SSBP3: variants seen among roughly 807,000 people sequenced by gnomAD.
The protein encoded by SSBP3 is single stranded DNA binding protein 3, also known as single-stranded DNA-binding protein 3.
Under a neutral mutation model 69.6 loss-of-function variants are expected in SSBP3, and 5 were observed. The observed-to-expected ratio is 0.07, with a 90% CI of 0.04 to 0.15. SSBP3 has a LOEUF of 0.15. Ranked by LOEUF, SSBP3 falls within the 10% of genes least tolerant of loss-of-function variation. The probability of loss-of-function intolerance (pLI) is 1.00; values close to 1 mark genes in which losing one functional copy is unlikely to be tolerated. For synonymous variants in SSBP3, 196 were observed against 193.4 expected (o/e 1.01, Z -0.11); for missense variants, 312 against 534.0 (o/e 0.58, Z 4.10).
chr1:54,373,362 CATG>C (rs1056203154), intron 4 of SSBP3, among the ~76,000 whole-genome samples: 1 of 152,200 alleles, frequency 6.6e-6, no homozygotes, highest in Non-Finnish European at 1.5e-5. Context: ...TGCCACCCTT[CATG>C]ATTCTAGTTA....
At chr1:54,354,570 C>T (rs1646833627) in intron 4 of SSBP3, among the ~76,000 whole-genome samples, 1 of 152,110 alleles carries the variant, frequency 6.6e-6, no homozygotes, top group Non-Finnish European at 1.5e-5. Context: ...CCACAAAGAC[C>T]TGCTGGGCCT....
intron 9 of SSBP3, among the ~76,000 whole-genome samples, chr1:54,245,218 T>TCAA (rs1644712412): frequency 6.6e-6 from 1 of 152,226 alleles, no homozygotes; most frequent in Non-Finnish European, 1.5e-5. Flanking sequence ...ACACTTTATG[T>TCAA]ACAGTCTCTT....
chr1:54,277,267 T>C (rs1645305586), intron 5 of SSBP3, among the ~76,000 whole-genome samples: 1 of 152,042 alleles, frequency 6.6e-6, no homozygotes, highest in Admixed American at 6.6e-5. Context: ...TTCAGAATCA[T>C]TCTCACGGTG....
intron 5 of SSBP3, among the ~76,000 whole-genome samples, chr1:54,272,979 C>G (rs1028325545): frequency 2.0e-5 from 3 of 152,196 alleles, no homozygotes; most frequent in Non-Finnish European, 4.4e-5. Flanking sequence ...GAGACTCCTT[C>G]CCCCTTCCCT....
intron 5 of SSBP3, among the ~76,000 whole-genome samples, chr1:54,281,214 T>C (rs1368971229): frequency 6.6e-6 from 1 of 152,150 alleles, no homozygotes; most frequent in Non-Finnish European, 1.5e-5. Context: ...CCAGCAGAAG[T>C]GCAGGCAATG....
intron 14 of SSBP3, among the ~76,000 whole-genome samples, chr1:54,234,152 G>A (rs1251386114): frequency 6.6e-6 from 1 of 151,430 alleles, no homozygotes; most frequent in African/African-American, 2.4e-5. Context: ...AAGGCAGCAT[G>A]CTCGTTAAGA....
At chr1:54,353,940 AC>A (rs1364041819) in intron 4 of SSBP3, among the ~76,000 whole-genome samples, 2 of 152,150 alleles carry the variant, frequency 1.3e-5, no homozygotes, top group Admixed American at 1.3e-4. Context: ...TGAGGAGGAG[AC>A]TGCAGCACAG....
intron 4 of SSBP3, among the ~76,000 whole-genome samples, chr1:54,342,367 T>C (rs772543754): frequency 2.6e-5 from 4 of 152,256 alleles, no homozygotes; most frequent in Non-Finnish European, 2.9e-5. Context: ...CCTGAATGTG[T>C]GGCCCTCCCT....
intron 4 of SSBP3, among the ~76,000 whole-genome samples, chr1:54,398,470 T>C (rs1649055027): frequency 6.6e-6 from 1 of 152,196 alleles, no homozygotes; most frequent in South Asian, 2.1e-4. Flanking sequence ...CCAAAGACAC[T>C]TCCCTGCAGG....
intron 5 of SSBP3, among the ~76,000 whole-genome samples, chr1:54,278,709 G>A (rs954150683): frequency 1.3e-5 from 2 of 152,236 alleles, no homozygotes; most frequent in Non-Finnish European, 2.9e-5. Context: ...GCCAGGGTCT[G>A]GCCATAGCTG....
At chr1:54,401,555 G>A (rs576020282) in intron 4 of SSBP3, among the ~76,000 whole-genome samples, 3 of 152,260 alleles carry the variant, frequency 2.0e-5, no homozygotes, top group Admixed American at 6.5e-5. Flanking sequence ...TCCCCTCTCA[G>A]CTAACTGTCC....
At chr1:54,399,160 C>G (rs1415337016) in intron 4 of SSBP3, among the ~76,000 whole-genome samples, 1 of 152,210 alleles carries the variant, frequency 6.6e-6, no homozygotes, top group Non-Finnish European at 1.5e-5. Flanking sequence ...GTGGGAGCTA[C>G]AGAGATGAAT....
upstream of SSBP3, among the ~76,000 whole-genome samples, chr1:54,410,549 T>C (rs1311883494): frequency 6.6e-6 from 1 of 152,164 alleles, no homozygotes; most frequent in Admixed American, 6.5e-5. Context: ...GCACGCTCAG[T>C]CCTAGAATTG....
intron 4 of SSBP3, among the ~76,000 whole-genome samples, chr1:54,353,159 C>T (rs1216315831): frequency 6.6e-6 from 1 of 152,248 alleles, no homozygotes; most frequent in Non-Finnish European, 1.5e-5. Flanking sequence ...GGACAACTCT[C>T]AGAGGGCCCC....
intron 7 of SSBP3, among the ~76,000 whole-genome samples, chr1:54,252,686 C>T (rs866193646): frequency 1.3e-5 from 2 of 152,224 alleles, no homozygotes; most frequent in African/African-American, 2.4e-5. Flanking sequence ...TTGCCCCACC[C>T]GCTGTGAAAC....
At chr1:54,334,128 C>T (rs1405830191) in intron 4 of SSBP3, among the ~76,000 whole-genome samples, 3 of 151,900 alleles carry the variant, frequency 2.0e-5, no homozygotes, top group Admixed American at 1.3e-4. Context: ...CCGAGGCGGG[C>T]GGATCACGAG....
intron 4 of SSBP3, among the ~76,000 whole-genome samples, chr1:54,327,004 G>A (rs1005034957): frequency 7.2e-5 from 11 of 152,050 alleles, no homozygotes; most frequent in African/African-American, 2.4e-4. Flanking sequence ...ATGTTTCTGG[G>A]GATTTCAAGG....
intron 1 of SSBP3, among the ~76,000 whole-genome samples, chr1:54,411,919 A>G (rs1650005180): frequency 6.7e-6 from 1 of 148,786 alleles, no homozygotes; most frequent in Non-Finnish European, 1.5e-5. Context: ...AGCAGAAGGC[A>G]AGGCCCTATC....
intron 4 of SSBP3, among the ~76,000 whole-genome samples, chr1:54,387,094 G>A (rs1036946944): frequency 9.9e-5 from 15 of 152,216 alleles, no homozygotes; most frequent in African/African-American, 3.1e-4. Context: ...TGGGATGCCA[G>A]TGTATGAGAA....
Sources: allele counts gnomAD v4.1 joint callset (sites outside exome capture counted in the v4.1 genomes callset), GRCh38; gene constraint gnomAD v4.1.1; transcripts MANE v1.5; gene names NCBI Gene and HGNC (gene_info 2026-07-23, HGNC 2026-07-21).